Variants in GSDME observed in about 807,000 individuals in gnomAD.
GSDME encodes gasdermin E, also known as gasdermin-E.
Under a neutral mutation model 47.5 loss-of-function variants are expected in GSDME, and 44 were observed. The ratio of observed to expected loss-of-function variants is 0.93; its 90% CI spans 0.73 to 1.19. GSDME has a LOEUF of 1.19. Ranked by LOEUF, GSDME falls within the 50% of genes most tolerant of loss-of-function variation. The pLI is 0.00. For synonymous variants in GSDME, 258 were observed against 252.8 expected, an observed-to-expected ratio of 1.02 and a Z score of -0.20; for missense variants, 663 against 604.2, an observed-to-expected ratio of 1.10 and a Z score of -1.02.
chr7:24,712,874 C>T lies in GSDME; in HGVS notation c.698-2486G>A, dbSNP rs1789408746. On this transcript the variant is annotated intron_variant, in intron 5 of 9. Coordinates refer to ENST00000645220, the MANE Select transcript of GSDME (RefSeq NM_001127453.2). This position sits in a 1 kb window ranked among gnomAD's most constrained non-coding sequence, Gnocchi z 4.4. The stretch of plus-strand genomic sequence containing the variant: ...TCTTTACTAAAAATACAAAATTAGC[C>T]GGGCATAGTGGTGCACACCTGTAAT... 1.3e-5 allele frequency among the ~76,000 whole-genome samples: 2 copies of T among 151,998 alleles called. No homozygotes were observed. The highest frequency in any genetic ancestry group is 2.9e-5 in the Non-Finnish European group (2 of 67,996).
At chr7:24,710,155 C>T (rs1325310685) in intron 6 of GSDME, 69 bp downstream of exon 6, 14 of 1,545,834 alleles carry the variant, frequency 9.1e-6, no homozygotes, top group Admixed American at 3.3e-5. Context: ...CTGAAGGCCA[C>T]ACCACCTCTT....
At chr7:24,788,170 C>T in the GSDME span, among the ~76,000 whole-genome samples, 2 of 152,164 alleles carry the variant, frequency 1.3e-5, no homozygotes, top group African/African-American at 4.8e-5. The surrounding 1 kb of genome is among the most constrained non-coding windows in gnomAD (Gnocchi z 4.6). Flanking sequence ...ATATAAAGGG[C>T]TTATTTTTCT....
chr7:24,706,793 C>T (rs2128048028), intron 7 of GSDME, among the ~76,000 whole-genome samples: 1 of 152,358 alleles, frequency 6.6e-6, no homozygotes, highest in South Asian at 2.1e-4. Context: ...CATCTGTCCC[C>T]ACAGAGCCTG....
chr7:24,749,438 G>T (rs910360160), intron 2 of GSDME, 126 bp downstream of exon 2: 5 of 809,734 alleles, frequency 6.2e-6, no homozygotes, highest in African/African-American at 3.5e-5. Context: ...GGAGGCAGAG[G>T]TTGCAATGGG....
Position 24,710,514 on chromosome 7 carries a change from T to C in GSDME, c.698-126A>G, listed in dbSNP as rs146941122. On this transcript the variant is annotated intron_variant, in intron 5 of 9. Coordinates refer to ENST00000645220, the MANE Select transcript of GSDME (RefSeq NM_001127453.2). The stretch of plus-strand genomic sequence containing the variant: ...GTAACTCAGTGGAGCAGAAGACCCA[T>C]CCATCTTCCCCATAAAATTCGATCC... The C allele has an allele frequency of 3.2e-3, 2,822 of 877,826 alleles. 61 individuals are homozygous for C. In the African/African-American group the frequency reaches 0.039, roughly 12 times the overall value. The allele number at this position is 877,826 out of a possible 1,614,324, so 54.4% of individuals were successfully genotyped here.
At chr7:24,787,104 A>G in the GSDME span, among the ~76,000 whole-genome samples, 5 of 152,144 alleles carry the variant, frequency 3.3e-5, no homozygotes, top group Admixed American at 1.3e-4. This position sits in a 1 kb window ranked among gnomAD's most constrained non-coding sequence, Gnocchi z 5.0. Context: ...CCTTTGTCTC[A>G]TGCCTCTGGG....
rs561857183 is a variant in GSDME at position 24,736,930 on chromosome 7, G to C, written c.404+7632C>G. On this transcript the variant is annotated intron_variant, in intron 3 of 9. Transcript: ENST00000645220. This position sits in a 1 kb window ranked among gnomAD's most constrained non-coding sequence, Gnocchi z 4.6. ...CCTGAATGACCAGTGAGTCAATGAC[G>C]ACACTAAGAAAAATTGAAATTTTAT... Among the ~76,000 whole-genome samples the C allele has an allele frequency of 1.3e-5, 2 of 152,190 alleles. No homozygotes were observed. The highest frequency in any genetic ancestry group is 4.1e-4 in the South Asian group (2 of 4,828).
chr7:24,705,115 G>T lies in GSDME; in HGVS notation c.1183+1069C>A, dbSNP rs1311652854. On this transcript the variant is annotated intron_variant, in intron 8 of 9. Transcript: ENST00000645220. This position sits in a 1 kb window ranked among gnomAD's most constrained non-coding sequence, Gnocchi z 4.1. ...GCTATTGATAGAAATGCTGCAATAA[G>T]TAATGGGGTATATGAAGAAAAGACC... 1 of 152,188 alleles carries T rather than the reference G, an allele frequency of 6.6e-6. No individual in the cohort carries two copies. The highest frequency in any genetic ancestry group is 6.5e-5 in the Admixed American group (1 of 15,274). The allele number at this position is 152,188 out of a possible 1,614,324, so 9.4% of individuals were successfully genotyped here. A position where few individuals can be genotyped will look rare whatever the true frequency, so the allele number is the denominator to read the frequency against.
chr7:24,761,506 T>C (rs922890234), upstream of GSDME, among the ~76,000 whole-genome samples: 2 of 152,256 alleles, frequency 1.3e-5, no homozygotes, highest in African/African-American at 4.8e-5. The surrounding 1 kb of genome is among the most constrained non-coding windows in gnomAD (Gnocchi z 4.4). Context: ...ATCCCATTGA[T>C]GAGGGTTCCA....
At chr7:24,793,868 CT>C in the GSDME span, among the ~76,000 whole-genome samples, 3 of 148,400 alleles carry the variant, frequency 2.0e-5, no homozygotes, top group Admixed American at 1.4e-4. Flanking sequence ...TATTTTTCTA[CT>C]TTTTTTCTGT....
chr7:24,708,330 T>C lies in GSDME; in HGVS notation c.863-76A>G, dbSNP rs7797262. 1,087 of 1,552,516 alleles carry C rather than the reference T, an allele frequency of 7.0e-4. 5 individuals carry two copies. The African/African-American group carries it at 0.013, about 19-fold the overall frequency. On this transcript the variant is annotated intron_variant, in intron 6 of 9. Transcript: ENST00000645220. Reference sequence around the variant, plus strand: ...GACGTCGGACAGCAACTCCTGCTTTTTATACCTAATCGTCATCAGTTCTTT... The same window carrying C: ...GACGTCGGACAGCAACTCCTGCTTTCTATACCTAATCGTCATCAGTTCTTT...
At chr7:24,790,410 C>T in the GSDME span, among the ~76,000 whole-genome samples, 1 of 152,168 alleles carries the variant, frequency 6.6e-6, no homozygotes, top group Admixed American at 6.5e-5. This position sits in a 1 kb window ranked among gnomAD's most constrained non-coding sequence, Gnocchi z 4.1. Context: ...TATAGCTATG[C>T]TTCTCTTTTC....
chr7:24,787,801 G>A, the GSDME span, among the ~76,000 whole-genome samples: 2 of 152,106 alleles, frequency 1.3e-5, no homozygotes, highest in Non-Finnish European at 2.9e-5. The surrounding 1 kb of genome is among the most constrained non-coding windows in gnomAD (Gnocchi z 5.0). Context: ...CTGCCTCCTG[G>A]GTTCAAGCAA....
At chr7:24,764,596 AC>A in the GSDME span, among the ~76,000 whole-genome samples, 2,650 of 152,202 alleles carry the variant, frequency 0.017, 30 homozygotes, top group Non-Finnish European at 0.027. The surrounding 1 kb of genome is among the most constrained non-coding windows in gnomAD (Gnocchi z 4.4). Context: ...AAAAATCAAC[AC>A]CACCCCAAAC....
Position 24,732,662 on chromosome 7 carries a change from A to T in GSDME, c.404+11900T>A, listed in dbSNP as rs959598566. ...ACAGCAACTGTGGGACTTTGCATGG[A>T]ACTCAGTGCTGCCAACACCGGGCAG... On this transcript the variant is annotated intron_variant, in intron 3 of 9. Transcript: ENST00000645220. This position sits in a 1 kb window ranked among gnomAD's most constrained non-coding sequence, Gnocchi z 4.8. Among the ~76,000 whole-genome samples, 4 of 152,158 alleles carry T rather than the reference A, an allele frequency of 2.6e-5. No homozygotes were observed. The highest frequency in any genetic ancestry group is 9.7e-5 in the African/African-American group (4 of 41,426).
In GSDME at chr7:24,741,728, G is replaced by C. The variant is rs146725714; in HGVS notation, c.404+2834C>G. The stretch of plus-strand genomic sequence containing the variant: ...CACGAACTGCCACTCCCAAGGCCAC[G>C]CATGTATCAACAACGCCTTATCAAT... On this transcript the variant is annotated intron_variant, in intron 3 of 9. Transcript: ENST00000645220. Among the ~76,000 whole-genome samples the C allele has an allele frequency of 2.1e-3, 326 of 152,260 alleles. 1 individual carries two copies. Among genetic ancestry groups the C allele is most frequent in the African/African-American group, 7.6e-3 (316 of 41,552 alleles).
At chr7:24,704,831 A>G (rs1018068400) in intron 8 of GSDME, 1 of 152,056 alleles carries the variant, frequency 6.6e-6, no homozygotes, top group African/African-American at 2.4e-5. Flanking sequence ...CTGGGACTAC[A>G]GAGGTACACA....
chr7:24,747,122 C>T (rs904265657), intron 2 of GSDME, among the ~76,000 whole-genome samples: 9 of 152,318 alleles, frequency 5.9e-5, no homozygotes, highest in South Asian at 4.1e-4. Context: ...CATCACAGAA[C>T]GGTAAAACTC....
chr7:24,711,556 C>G (rs989717883), intron 5 of GSDME, among the ~76,000 whole-genome samples: 1 of 152,022 alleles, frequency 6.6e-6, no homozygotes, highest in Non-Finnish European at 1.5e-5. Context: ...CATGGTGGCT[C>G]ACACCTGTAA....
Sources: allele counts gnomAD v4.1 joint callset (sites outside exome capture counted in the v4.1 genomes callset), GRCh38; gene constraint gnomAD v4.1.1; non-coding constraint Gnocchi (gnomAD v3.1); transcripts MANE v1.5; gene names NCBI Gene and HGNC (gene_info 2026-07-23, HGNC 2026-07-21).